Variants in SSBP2 observed in about 807,000 individuals in gnomAD.
SSBP2 encodes single stranded DNA binding protein 2.
SSBP2 carries 17 observed loss-of-function variants against 61.8 expected under a neutral mutation model. That is an observed-to-expected ratio of 0.28 (90% CI 0.19 to 0.41). The LOEUF is 0.41. SSBP2 is among the 10% of genes least tolerant of loss of function. The pLI, the probability that SSBP2 is intolerant of heterozygous loss-of-function variation, is 1.00. For synonymous variants in SSBP2, 139 were observed against 141.3 expected (o/e 0.98, Z 0.12); for missense variants, 310 against 458.7 (o/e 0.68, Z 2.96).
At chr5:81,713,225 G>A (rs761366336) in intron 1 of SSBP2, among the ~76,000 whole-genome samples, 17 of 152,064 alleles carry the variant, frequency 1.1e-4, no homozygotes, top group South Asian at 2.1e-4. Flanking sequence ...ACCTCTGGAA[G>A]TGAGAGAAAA....
intron 2 of SSBP2, among the ~76,000 whole-genome samples, chr5:81,648,423 T>C (rs1434336343): frequency 6.6e-6 from 1 of 152,148 alleles, no homozygotes; most frequent in Non-Finnish European, 1.5e-5. Context: ...AAATTCCTTA[T>C]CTGCAAATAA....
At chr5:81,494,107 C>A (rs1005586635) in intron 5 of SSBP2, among the ~76,000 whole-genome samples, 1 of 152,080 alleles carries the variant, frequency 6.6e-6, no homozygotes, top group African/African-American at 2.4e-5. Flanking sequence ...CACCAAATGG[C>A]GAGTATCAAT....
chr5:81,469,633 A>C (rs1765117589), intron 8 of SSBP2, among the ~76,000 whole-genome samples: 1 of 151,990 alleles, frequency 6.6e-6, no homozygotes, highest in South Asian at 2.1e-4. Flanking sequence ...CCCAGTGTTC[A>C]TGTATGGTGC....
intron 4 of SSBP2, among the ~76,000 whole-genome samples, chr5:81,566,074 C>T (rs925679499): frequency 1.6e-4 from 24 of 152,128 alleles, no homozygotes; most frequent in African/African-American, 5.6e-4. Context: ...AGGTGTACAA[C>T]AACTGATAAT....
At chr5:81,514,445 CTT>C (rs928033381) in intron 4 of SSBP2, among the ~76,000 whole-genome samples, 9 of 151,998 alleles carry the variant, frequency 5.9e-5, no homozygotes, top group Admixed American at 2.6e-4. Context: ...GGGTTGGACT[CTT>C]TGTAATAAAA....
At chr5:81,455,915 G>T (rs1487675992) in intron 10 of SSBP2, among the ~76,000 whole-genome samples, 1 of 152,138 alleles carries the variant, frequency 6.6e-6, no homozygotes, top group Admixed American at 6.5e-5. Flanking sequence ...TGATTGTGGT[G>T]CTGTGGTAGA....
chr5:81,550,248 G>T (rs1354910021), intron 4 of SSBP2, among the ~76,000 whole-genome samples: 1 of 152,016 alleles, frequency 6.6e-6, no homozygotes, highest in East Asian at 1.9e-4. Flanking sequence ...TGTTGTCTCT[G>T]ATATTATTTA....
intron 1 of SSBP2, among the ~76,000 whole-genome samples, chr5:81,737,912 C>A (rs1756733870): frequency 6.6e-6 from 1 of 152,106 alleles, no homozygotes; most frequent in Admixed American, 6.5e-5. Context: ...TAATGTCAGT[C>A]CTTTATGCGT....
chr5:81,442,454 T>A (rs1029731422), intron 13 of SSBP2, among the ~76,000 whole-genome samples, 199 bp downstream of exon 13: 50 of 152,110 alleles, frequency 3.3e-4, no homozygotes, highest in Non-Finnish European at 6.8e-4. Context: ...TACTTTTAAA[T>A]TATATTGATA....
At chr5:81,622,399 AG>A (rs1316845753) in intron 3 of SSBP2, among the ~76,000 whole-genome samples, 3 of 152,222 alleles carry the variant, frequency 2.0e-5, no homozygotes, top group African/African-American at 7.2e-5. Context: ...AGTGGAAGGT[AG>A]ATTAAGACAA....
intron 4 of SSBP2, among the ~76,000 whole-genome samples, chr5:81,598,189 C>A (rs912417700): frequency 6.6e-6 from 1 of 151,614 alleles, no homozygotes; most frequent in Non-Finnish European, 1.5e-5. Context: ...TTAAAATCCC[C>A]CAAGACAAAA....
intron 15 of SSBP2, among the ~76,000 whole-genome samples, chr5:81,436,228 A>G (rs1291650790): frequency 6.6e-6 from 1 of 151,180 alleles, no homozygotes; most frequent in Non-Finnish European, 1.5e-5. Context: ...CTGAGAGCCA[A>G]CACAATCATG....
chr5:81,504,287 C>T (rs2154074424), intron 5 of SSBP2, among the ~76,000 whole-genome samples: 2 of 152,296 alleles, frequency 1.3e-5, no homozygotes, highest in Middle Eastern at 3.4e-3. Flanking sequence ...TTTCTTTTAA[C>T]AGACTAATCT....
intron 4 of SSBP2, among the ~76,000 whole-genome samples, chr5:81,600,038 G>A (rs544846443): frequency 6.3e-4 from 96 of 152,174 alleles, no homozygotes; most frequent in African/African-American, 2.3e-3. Context: ...GCTTGTGCCT[G>A]GCAATGCCAA....
intron 3 of SSBP2, among the ~76,000 whole-genome samples, chr5:81,621,550 A>T (rs1384737877): frequency 1.8e-5 from 1 of 54,640 alleles, no homozygotes; most frequent in Non-Finnish European, 3.2e-5. Context: ...CAGTGTGGTG[A>T]TTCCTCAGGG....
chr5:81,523,231 T>C (rs576243582), intron 4 of SSBP2, among the ~76,000 whole-genome samples: 1 of 152,184 alleles, frequency 6.6e-6, no homozygotes, highest in Non-Finnish European at 1.5e-5. Flanking sequence ...AGGACTCTGA[T>C]AAAAACAATT....
intron 5 of SSBP2, among the ~76,000 whole-genome samples, chr5:81,503,133 CAGAATGGCT>C (rs1319292529): frequency 1.3e-5 from 2 of 151,938 alleles, no homozygotes; most frequent in East Asian, 3.9e-4. Context: ...TCACACCAGT[CAGAATGGCT>C]ATTATAAAAA....
chr5:81,705,247 A>G (rs1198299147), intron 1 of SSBP2, among the ~76,000 whole-genome samples: 1 of 152,146 alleles, frequency 6.6e-6, no homozygotes, highest in Non-Finnish European at 1.5e-5. Context: ...ATGTTTAACA[A>G]ATTTTTCTAT....
intron 1 of SSBP2, among the ~76,000 whole-genome samples, chr5:81,685,393 A>T (rs567173852): frequency 6.6e-6 from 1 of 152,194 alleles, no homozygotes; most frequent in Non-Finnish European, 1.5e-5. Flanking sequence ...TAATGTATTC[A>T]GCAATTGTAA....
Sources: gnomAD v4.1 joint callset for allele counts (sites outside exome capture counted in the v4.1 genomes callset) on GRCh38, gnomAD v4.1.1 for gene constraint, MANE v1.5 for transcripts, NCBI Gene and HGNC (gene_info 2026-07-23, HGNC 2026-07-21) for gene names.